CNTN4: variants seen among roughly 807,000 people sequenced by gnomAD.
The protein encoded by CNTN4 is contactin 4.
In CNTN4, 77 loss-of-function variants were observed where a neutral mutation model predicts 122.5. The ratio of observed to expected loss-of-function variants is 0.63; its 90% CI spans 0.52 to 0.76. The LOEUF (loss-of-function observed/expected upper bound fraction) is 0.76, where lower values mean the gene tolerates loss of function less well. Among genes scored for constraint, CNTN4 ranks in the 30% least tolerant of loss-of-function variants. The pLI, the probability that CNTN4 is intolerant of heterozygous loss-of-function variation, is 0.00. For missense variants in CNTN4, 1,256 were observed against 1,259.1 expected (o/e 1.00, Z 0.04); for synonymous variants, 512 against 447.0 (o/e 1.15, Z -1.83).
chr3:2,174,982 C>T (rs2036686189), intron 2 of CNTN4, among the ~76,000 whole-genome samples: 1 of 152,170 alleles, frequency 6.6e-6, no homozygotes, highest in South Asian at 2.1e-4. Context: ...GCCCCATCTC[C>T]AAAACTGGAG....
chr3:2,596,229 G>C (rs1224336782), intron 4 of CNTN4, among the ~76,000 whole-genome samples: 2 of 152,162 alleles, frequency 1.3e-5, no homozygotes, highest in African/African-American at 4.8e-5. Context: ...TTTACTTGGA[G>C]AGAAACAGGT....
intron 6 of CNTN4, among the ~76,000 whole-genome samples, chr3:2,757,272 A>G (rs2090380185): frequency 6.6e-6 from 1 of 152,134 alleles, no homozygotes; most frequent in Non-Finnish European, 1.5e-5. Context: ...TTTACCTCTC[A>G]CTTGGAACAG....
At position 2,760,158 on chromosome 3, in the gene CNTN4, G is replaced by T. The variant is rs572419789; in HGVS notation, c.358+14461G>T. On this transcript the variant is annotated intron_variant, in intron 6 of 24. Transcript: ENST00000418658. ...TTTCATTTTCTTGATGGTGTCCTTT[G>T]AAGCACAGAAGTTTTAATTTTGGTA... is the stretch of plus-strand genomic sequence containing the variant. 2.0e-5 allele frequency among the ~76,000 whole-genome samples: 3 copies of T among 152,138 alleles called. No homozygotes were observed. In the South Asian group the frequency reaches 6.2e-4, roughly 32 times the overall value.
intron 3 of CNTN4, among the ~76,000 whole-genome samples, chr3:2,472,000 C>T (rs1456563579): frequency 6.6e-6 from 1 of 152,034 alleles, no homozygotes; most frequent in East Asian, 1.9e-4. Flanking sequence ...GAATTGTAAA[C>T]AAGAGAAGGA....
intron 14 of CNTN4, 25 bp downstream of exon 14, chr3:2,988,497 A>G: frequency 6.2e-7 from 1 of 1,612,554 alleles, no homozygotes; most frequent in Non-Finnish European, 8.5e-7. Flanking sequence ...AAAGAATTCG[A>G]ATATTTATAT....
intron 3 of CNTN4, among the ~76,000 whole-genome samples, chr3:2,534,793 T>A (rs1268629517): frequency 9.4e-6 from 1 of 106,766 alleles, no homozygotes; most frequent in East Asian, 2.1e-4. Flanking sequence ...TCTTGAGGAC[T>A]GGCACACCAA....
At chr3:2,436,454 G>T (rs868051333) in intron 3 of CNTN4, among the ~76,000 whole-genome samples, 1 of 152,054 alleles carries the variant, frequency 6.6e-6, no homozygotes, top group Non-Finnish European at 1.5e-5. Flanking sequence ...GAGGAAGGAC[G>T]TATAATTGCC....
intron 4 of CNTN4, among the ~76,000 whole-genome samples, chr3:2,587,177 C>G (rs1357913383): frequency 6.6e-6 from 1 of 152,154 alleles, no homozygotes; most frequent in African/African-American, 2.4e-5. Flanking sequence ...GTGAAATTCT[C>G]TAACAAAGTC....
chr3:2,517,405 A>C lies in CNTN4; in HGVS notation c.-88-54011A>C, dbSNP rs182135644. ...CCAATGTCTGTGTTTCTGATCCCCC[A>C]CTCCTCCCTCCAATGATCTGTATTA... On this transcript the variant is annotated intron_variant, in intron 3 of 24. Coordinates refer to ENST00000418658, the MANE Select transcript of CNTN4 (RefSeq NM_175607.3). Among the ~76,000 whole-genome samples, 558 of 151,850 alleles carry C rather than the reference A, an allele frequency of 3.7e-3. 5 individuals are homozygous for C. Among genetic ancestry groups the C allele is most frequent in the African/African-American group, 0.013 (538 of 41,424 alleles).
chr3:2,236,485 G>T (rs2039686863), intron 2 of CNTN4, among the ~76,000 whole-genome samples: 1 of 152,164 alleles, frequency 6.6e-6, no homozygotes, highest in African/African-American at 2.4e-5. Context: ...ATTCACACCT[G>T]CTGTGTTCAA....
chr3:2,132,308 A>G (rs1483213534), intron 2 of CNTN4: 1 of 152,230 alleles, frequency 6.6e-6, no homozygotes, highest in Admixed American at 6.5e-5. Context: ...TCTGACTGAA[A>G]TGGCATGAAC....
In CNTN4 at chr3:2,216,652, T is replaced by A. The variant is rs570532582; in HGVS notation, c.-145+116013T>A. ...TTAATGAAACTAAGGGTGGTGGATT[T>A]CAACCCCCAAATTTTCATAGTGTGT... On this transcript the variant is annotated intron_variant, in intron 2 of 24. Coordinates refer to ENST00000418658, the MANE Select transcript of CNTN4 (RefSeq NM_175607.3). Among the ~76,000 whole-genome samples, 12 of 152,338 alleles carry A rather than the reference T, an allele frequency of 7.9e-5. No homozygotes were observed. In the East Asian group the frequency reaches 2.1e-3, roughly 27 times the overall value.
intron 3 of CNTN4, among the ~76,000 whole-genome samples, chr3:2,383,386 T>C (rs1041155548): frequency 5.9e-5 from 9 of 152,322 alleles, no homozygotes; most frequent in Admixed American, 3.3e-4. Flanking sequence ...TAGTGCTTTC[T>C]TCCTTTATAC....
At chr3:2,532,275 C>G (rs1183779227) in intron 3 of CNTN4, among the ~76,000 whole-genome samples, 1 of 151,898 alleles carries the variant, frequency 6.6e-6, no homozygotes, top group African/African-American at 2.4e-5. Flanking sequence ...TTTTGAGAGA[C>G]AGCATCTCAC....
chr3:2,921,581 A>G (rs1288969551), intron 12 of CNTN4, among the ~76,000 whole-genome samples: 1 of 152,256 alleles, frequency 6.6e-6, no homozygotes, highest in Non-Finnish European at 1.5e-5. Flanking sequence ...GGTTAAAGTA[A>G]TAAGAAATGC....
intron 3 of CNTN4, among the ~76,000 whole-genome samples, chr3:2,549,684 G>A (rs1215372643): frequency 2.0e-5 from 3 of 152,102 alleles, no homozygotes; most frequent in African/African-American, 7.2e-5. Context: ...TCTCTGCCAG[G>A]TTTTGGTATC....
intron 4 of CNTN4, among the ~76,000 whole-genome samples, chr3:2,618,325 T>C (rs1328405533): frequency 2.0e-5 from 3 of 152,170 alleles, no homozygotes; most frequent in Admixed American, 2.0e-4. Context: ...TATGTGTATA[T>C]GTGTAAATAT....
At chr3:3,017,919 T>C (rs1697922746) in intron 14 of CNTN4, among the ~76,000 whole-genome samples, 1 of 152,188 alleles carries the variant, frequency 6.6e-6, no homozygotes, top group South Asian at 2.1e-4. Context: ...TAAGTATATG[T>C]AGATTTCTCA....
intron 3 of CNTN4, among the ~76,000 whole-genome samples, chr3:2,568,334 A>T (rs565777349): frequency 1.3e-5 from 2 of 151,118 alleles, no homozygotes; most frequent in Non-Finnish European, 2.9e-5. Context: ...AAAAAAAAAA[A>T]AAAAAACCAC....
Sources: gnomAD v4.1 joint callset for allele counts (sites outside exome capture counted in the v4.1 genomes callset) on GRCh38, gnomAD v4.1.1 for gene constraint, MANE v1.5 for transcripts, NCBI Gene and HGNC (gene_info 2026-07-23, HGNC 2026-07-21) for gene names.